Variants in SDHA observed in about 807,000 individuals in gnomAD.
SDHA encodes succinate dehydrogenase complex flavoprotein subunit A, also known as succinate dehydrogenase [ubiquinone] flavoprotein subunit, mitochondrial.
SDHA carries 48 observed loss-of-function variants against 78.4 expected under a neutral mutation model. The ratio of observed to expected loss-of-function variants is 0.61; its 90% CI spans 0.49 to 0.78. SDHA has a LOEUF of 0.78. Ranked by LOEUF, SDHA falls within the 30% of genes least tolerant of loss-of-function variation. The pLI is 0.00. For missense variants in SDHA, 680 were observed against 892.7 expected, an observed-to-expected ratio of 0.76 and a Z score of 3.04; for synonymous variants, 326 against 353.9, an observed-to-expected ratio of 0.92 and a Z score of 0.88.
intron 13 of SDHA, 84 bp downstream of exon 13, chr5:251,552 A>T: frequency 1.9e-6 from 3 of 1,603,852 alleles, no homozygotes; most frequent in Non-Finnish European, 2.6e-6. Flanking sequence ...TTTTCTCTGC[A>T]TTTTCTTTCG....
At chr5:233,229 G>T (rs1735525045) in intron 7 of SDHA, among the ~76,000 whole-genome samples, 1 of 152,154 alleles carries the variant, frequency 6.6e-6, no homozygotes, top group African/African-American at 2.4e-5. Context: ...AGAGGTCTGT[G>T]GGCCGGCCTT....
downstream of SDHA, among the ~76,000 whole-genome samples, chr5:259,663 C>A (rs1430455701): frequency 1.4e-3 from 20 of 14,642 alleles, no homozygotes; most frequent in Admixed American, 2.6e-3. Flanking sequence ...CCGCCTCCCG[C>A]CAGAGCATTA....
At chr5:256,070 T>A (rs779263523) in intron 14 of SDHA, among the ~76,000 whole-genome samples, 1 of 152,192 alleles carries the variant, frequency 6.6e-6, no homozygotes, top group Non-Finnish European at 1.5e-5. Flanking sequence ...GAATTTCAGA[T>A]TTTTGGATTA....
rs1392743065 is a variant in SDHA at position 236,261 on chromosome 5, G to T, written c.1261-167G>T. ...ACAGGTCTTGAACCCCTGACCTCAGGTGATCACCCACCTCAGCCTCCCAAA... is the reference window on the plus strand; with the variant it reads ...ACAGGTCTTGAACCCCTGACCTCAGTTGATCACCCACCTCAGCCTCCCAAA... On this transcript the variant is annotated intron_variant, in intron 9 of 14. Transcript: ENST00000264932. 41 of 701,424 alleles carry T rather than the reference G, an allele frequency of 5.8e-5. No individual in the cohort carries two copies. In the South Asian group the frequency reaches 6.4e-4, roughly 11 times the overall value. The allele number at this position is 701,424 out of a possible 1,614,324, so 43.5% of individuals were successfully genotyped here.
chr5:231,853 G>C (rs1019573056), intron 7 of SDHA, among the ~76,000 whole-genome samples: 1 of 152,184 alleles, frequency 6.6e-6, no homozygotes, highest in Non-Finnish European at 1.5e-5. Context: ...GACATTGGGC[G>C]CTGGGCTCAG....
Position 226,079 on chromosome 5 carries a change from C to A in SDHA, c.621+32C>A, listed in dbSNP as rs535270890. ...CCGCCCCCGTCCACCTGAGACAGGACACGTAGTGCTGGGGCTTATGGTGAC... is the reference window on the plus strand; with the variant it reads ...CCGCCCCCGTCCACCTGAGACAGGAAACGTAGTGCTGGGGCTTATGGTGAC... On this transcript the variant is annotated intron_variant, in intron 5 of 14. Coordinates refer to ENST00000264932, the MANE Select transcript of SDHA (RefSeq NM_004168.4). The A allele has an allele frequency of 1.6e-5, 25 of 1,612,604 alleles. No individual in the cohort carries two copies. The Admixed American group carries it at 4.2e-4, about 27-fold the overall frequency.
intron 10 of SDHA, among the ~76,000 whole-genome samples, 192 bp downstream of exon 10, chr5:236,791 G>A (rs1735815969): frequency 6.6e-6 from 1 of 152,136 alleles, no homozygotes; most frequent in African/African-American, 2.4e-5. Context: ...GACTACAGAT[G>A]TGCACCACCA....
At chr5:218,597 CG>C (rs1013204858) in intron 1 of SDHA, among the ~76,000 whole-genome samples, 179 bp downstream of exon 1, 28 of 152,254 alleles carry the variant, frequency 1.8e-4, no homozygotes, top group African/African-American at 6.7e-4. Flanking sequence ...GGGGCGGACT[CG>C]GGGACCCGGG....
At chr5:259,164 G>A (rs1387449957), downstream of SDHA, among the ~76,000 whole-genome samples, 1 of 51,964 alleles carries the variant, frequency 1.9e-5, no homozygotes, top group Non-Finnish European at 3.3e-5. Flanking sequence ...CAGCATTACC[G>A]TGTGAGCTCC....
intron 13 of SDHA, among the ~76,000 whole-genome samples, chr5:252,038 A>G (rs1329948671): frequency 7.3e-6 from 1 of 137,030 alleles, no homozygotes; most frequent in African/African-American, 2.8e-5. Context: ...ACCGTTTCAG[A>G]CCTGCCCTGT....
intron 11 of SDHA, among the ~76,000 whole-genome samples, chr5:242,809 G>A (rs549377187): frequency 6.6e-6 from 1 of 152,150 alleles, no homozygotes. Flanking sequence ...AATGGGACAC[G>A]TGTGGGCTCT....
At chr5:220,695 C>G (rs1192227654) in intron 1 of SDHA, among the ~76,000 whole-genome samples, 1 of 137,408 alleles carries the variant, frequency 7.3e-6, no homozygotes, top group Middle Eastern at 3.6e-3. Flanking sequence ...CTTGAATCCT[C>G]TCTGAGCTCC....
the SDHA span, among the ~76,000 whole-genome samples, chr5:268,292 C>T: frequency 1.5e-4 from 23 of 152,084 alleles, no homozygotes; most frequent in Non-Finnish European, 2.6e-4. Context: ...ACGCCATTCT[C>T]CTGCCTCAGC....
At chr5:255,052 C>T (rs1737093941) in intron 14 of SDHA, among the ~76,000 whole-genome samples, 1 of 151,728 alleles carries the variant, frequency 6.6e-6, no homozygotes, top group Non-Finnish European at 1.5e-5. Flanking sequence ...GTCCTGGGAA[C>T]AGCCAGCCGA....
At chr5:258,175 G>A (rs1255480500), downstream of SDHA, among the ~76,000 whole-genome samples, 3 of 117,296 alleles carry the variant, frequency 2.6e-5, no homozygotes, top group Non-Finnish European at 4.9e-5. Flanking sequence ...TCCACCCCCT[G>A]CCAGAGCATT....
At chr5:241,382 G>A (rs1484275772) in intron 11 of SDHA, among the ~76,000 whole-genome samples, 1 of 152,204 alleles carries the variant, frequency 6.6e-6, no homozygotes, top group East Asian at 1.9e-4. Flanking sequence ...GCTTCCAGCA[G>A]CTCGGAAATG....
chr5:248,619 G>A (rs1032148662), intron 11 of SDHA, among the ~76,000 whole-genome samples: 17 of 152,068 alleles, frequency 1.1e-4, no homozygotes, highest in East Asian at 5.8e-4. Context: ...GAGGCATACC[G>A]CCCTCAAAAA....
chr5:222,350 C>CG (rs1553996979), intron 1 of SDHA, among the ~76,000 whole-genome samples: 1 of 135,422 alleles, frequency 7.4e-6, no homozygotes, highest in African/African-American at 2.9e-5. Flanking sequence ...TTTTTCTTTT[C>CG]TTTTTTTTTT....
the SDHA span, among the ~76,000 whole-genome samples, chr5:267,074 A>T: frequency 6.6e-6 from 1 of 152,258 alleles, no homozygotes; most frequent in African/African-American, 2.4e-5. Flanking sequence ...CCTCACACTG[A>T]ATAGCACCTA....
Sources: gnomAD v4.1 joint callset for allele counts (sites outside exome capture counted in the v4.1 genomes callset) on GRCh38, gnomAD v4.1.1 for gene constraint, MANE v1.5 for transcripts, NCBI Gene and HGNC (gene_info 2026-07-23, HGNC 2026-07-21) for gene names.